The following IQSEC1 variants were observed in gnomAD, a reference collection of about 807,000 sequenced individuals.
IQSEC1 encodes the protein IQ motif and Sec7 domain ArfGEF 1, also known as IQ motif and SEC7 domain-containing protein 1.
IQSEC1 carries 31 observed loss-of-function variants against 91.0 expected under a neutral mutation model. That is an observed-to-expected ratio of 0.34 (90% confidence interval 0.26 to 0.46). The LOEUF (loss-of-function observed/expected upper bound fraction) is 0.46. Among genes scored for constraint, IQSEC1 ranks in the 20% least tolerant of loss-of-function variants. The probability of loss-of-function intolerance (pLI) is 1.00; values close to 1 mark genes in which losing one functional copy is unlikely to be tolerated. For synonymous variants in IQSEC1, 699 were observed against 662.6 expected, an observed-to-expected ratio of 1.05 and a Z score of -0.84; for missense variants, 1,388 against 1,575.6, an observed-to-expected ratio of 0.88 and a Z score of 2.02.
chr3:13,075,833 G>T (rs528299038), upstream of IQSEC1, among the ~76,000 whole-genome samples: 1 of 152,182 alleles, frequency 6.6e-6, no homozygotes, highest in Non-Finnish European at 1.5e-5. Flanking sequence ...GTGGAGCTGG[G>T]ATTCCGACTC....
chr3:12,913,915 C>T (rs1695815283), intron 8 of IQSEC1, among the ~76,000 whole-genome samples: 1 of 152,144 alleles, frequency 6.6e-6, no homozygotes, highest in Non-Finnish European at 1.5e-5. Context: ...ATTTTGAGTC[C>T]CCACAAGTGC....
rs1012372984 is a variant in IQSEC1 at position 12,983,911 on chromosome 3, A to T, written c.24-42046T>A. On this transcript the variant is annotated intron_variant, in intron 1 of 13. Transcript: ENST00000613206. This position sits in a 1 kb window ranked among gnomAD's most constrained non-coding sequence, Gnocchi z 4.3. ...TCCCCAAATCCACATGCCTTTAAAA[A>T]TAAAGCACCTACCTTCAAGGGGGCA... is the stretch of plus-strand genomic sequence containing the variant. 5.3e-5 allele frequency among the ~76,000 whole-genome samples: 8 copies of T among 152,220 alleles called. No homozygotes were observed. Among genetic ancestry groups the T allele is most frequent in the Non-Finnish European group, 1.2e-4 (8 of 68,036 alleles).
Position 12,908,455 on chromosome 3 carries a change from C to T in IQSEC1, c.2649G>A (p.Ser883=), listed in dbSNP as rs760777591. 51 of 1,613,480 alleles carry T rather than the reference C, an allele frequency of 3.2e-5. No homozygotes were observed. Among genetic ancestry groups the T allele is most frequent in the East Asian group, 6.7e-5 (3 of 44,888 alleles). The change falls in exon 12 of 14, where the codon TCG becomes TCA. Residue 883 remains serine (S), a synonymous_variant. Transcript: ENST00000613206. The surrounding 1 kb of genome is among the most constrained non-coding windows in gnomAD (Gnocchi z 4.9). ...AGGCCCGGCTCAGTGTTCCGTTGCC[C>T]GACTCCTTTTTGAGGCTAGAGCACT... ...MSQCSSLKKE[S]GNGTLSRACL...
At chr3:13,184,162 A>G (rs946200102) in intron 1 of IQSEC1, among the ~76,000 whole-genome samples, 32 of 152,228 alleles carry the variant, frequency 2.1e-4, no homozygotes, top group Non-Finnish European at 5.9e-5. Flanking sequence ...AACTAATGTT[A>G]TGATGTCAAC....
At chr3:12,988,401 C>T (rs928168960) in intron 1 of IQSEC1, among the ~76,000 whole-genome samples, 1 of 151,628 alleles carries the variant, frequency 6.6e-6, no homozygotes, top group African/African-American at 2.4e-5. Flanking sequence ...GGCGACAGAG[C>T]GAGGCTCTAT....
At chr3:13,094,563 C>G (rs1013998057) in intron 2 of IQSEC1, among the ~76,000 whole-genome samples, 1 of 152,178 alleles carries the variant, frequency 6.6e-6, no homozygotes, top group Non-Finnish European at 1.5e-5. Flanking sequence ...CCTGACACCC[C>G]CCACCTGGTG....
intron 1 of IQSEC1, among the ~76,000 whole-genome samples, chr3:13,050,066 C>T (rs1007642670): frequency 1.5e-5 from 2 of 136,014 alleles, no homozygotes; most frequent in Non-Finnish European, 3.2e-5. Flanking sequence ...CCCCACCCCC[C>T]GCCCCAGAAA....
intron 1 of IQSEC1, among the ~76,000 whole-genome samples, chr3:13,041,930 A>G (rs1384802690): frequency 6.6e-6 from 1 of 152,152 alleles, no homozygotes; most frequent in Non-Finnish European, 1.5e-5. Context: ...CCAGCCCACG[A>G]GGTCGGAGCA....
chr3:13,116,844 CCA>C, intron 2 of IQSEC1, among the ~76,000 whole-genome samples: 1 of 152,144 alleles, frequency 6.6e-6, no homozygotes, highest in South Asian at 2.1e-4. Context: ...TCCCAATGGG[CCA>C]AAGACCTAAG....
rs543920349 is a variant in IQSEC1, at chr3:12,924,201, G to T, written c.1730+380C>A. Among the ~76,000 whole-genome samples the T allele has an allele frequency of 1.9e-4, 29 of 152,312 alleles. No homozygotes were observed. Among genetic ancestry groups the T allele is most frequent in the South Asian group, 4.1e-4 (2 of 4,830 alleles). On this transcript the variant is annotated intron_variant, in intron 4 of 13. Coordinates refer to ENST00000613206, the MANE Select transcript of IQSEC1 (RefSeq NM_001134382.3). The surrounding 1 kb of genome is among the most constrained non-coding windows in gnomAD (Gnocchi z 6.3). ...GGGGAAGAGGCCCTGACGTCCAGCT[G>T]CCTGCTCCTGCCAGCCCTGCCATGA... is the stretch of plus-strand genomic sequence containing the variant.
At chr3:13,195,442 C>T in intron 1 of IQSEC1, among the ~76,000 whole-genome samples, 1 of 152,148 alleles carries the variant, frequency 6.6e-6, no homozygotes, top group East Asian at 1.9e-4. Flanking sequence ...TCTTATAAAA[C>T]TAAACATGCA....
At chr3:13,110,177 C>T (rs979845606) in intron 2 of IQSEC1, among the ~76,000 whole-genome samples, 5 of 151,922 alleles carry the variant, frequency 3.3e-5, no homozygotes, top group Non-Finnish European at 7.4e-5. Flanking sequence ...CCACGGTACC[C>T]GGCTGGATTA....
At chr3:13,281,109 G>A (rs909608416) in intron 1 of IQSEC1, among the ~76,000 whole-genome samples, 9 of 152,252 alleles carry the variant, frequency 5.9e-5, no homozygotes, top group Admixed American at 2.6e-4. Context: ...GCTGACCAAC[G>A]TGTCACTGCT....
intron 1 of IQSEC1, among the ~76,000 whole-genome samples, chr3:13,236,907 C>G (rs1015998913): frequency 4.6e-5 from 7 of 152,002 alleles, no homozygotes; most frequent in Admixed American, 2.0e-4. Flanking sequence ...ATGCCCCCCT[C>G]CAGCCAGGTT....
upstream of IQSEC1, among the ~76,000 whole-genome samples, chr3:13,073,618 T>G (rs1192071399): frequency 6.6e-6 from 1 of 152,236 alleles, no homozygotes; most frequent in Non-Finnish European, 1.5e-5. Context: ...GGCCCCTTCC[T>G]GGCCCGCGCT....
intron 2 of IQSEC1, among the ~76,000 whole-genome samples, chr3:13,119,395 A>T (rs1314049556): frequency 6.6e-6 from 1 of 152,230 alleles, no homozygotes; most frequent in Non-Finnish European, 1.5e-5. Context: ...AGAAAGTTTG[A>T]TGATGAAGGA....
chr3:13,049,599 A>G (rs1408796899), intron 1 of IQSEC1, among the ~76,000 whole-genome samples: 1 of 151,996 alleles, frequency 6.6e-6, no homozygotes, highest in Admixed American at 6.5e-5. Context: ...CAAACTCCTA[A>G]TCGCCCTTCA....
At chr3:12,988,811 C>T (rs1354224475) in intron 1 of IQSEC1, among the ~76,000 whole-genome samples, 1 of 152,162 alleles carries the variant, frequency 6.6e-6, no homozygotes, top group Non-Finnish European at 1.5e-5. Context: ...CAGGTGACCA[C>T]ATTTAAAATA....
At position 12,920,512 on chromosome 3, in the gene IQSEC1, G is replaced by A; in HGVS notation, c.1938C>T (p.Ile646=). The part of the protein sequence containing the change: ...DTIFILAFAI[I]LLNTDMYSPN... ...GGCTGTACATGTCGGTGTTCAGCAGGATGATGGCGAAGGCCAGGATGAAAA... is the reference window on the plus strand; with the variant it reads ...GGCTGTACATGTCGGTGTTCAGCAGAATGATGGCGAAGGCCAGGATGAAAA... The change falls in exon 6 of 14, where the codon ATC becomes ATT. Residue 646 remains isoleucine, a synonymous_variant. Transcript: ENST00000613206. 1 of 1,614,244 alleles carries A rather than the reference G, an allele frequency of 6.2e-7. No homozygotes were observed. Among genetic ancestry groups the A allele is most frequent in the Non-Finnish European group, 8.5e-7 (1 of 1,180,042 alleles).
Sources: gnomAD v4.1 joint callset for allele counts (sites outside exome capture counted in the v4.1 genomes callset) on GRCh38, gnomAD v4.1.1 for gene constraint, Gnocchi (gnomAD v3.1) non-coding constraint, MANE v1.5 for transcripts, NCBI Gene and HGNC (gene_info 2026-07-23, HGNC 2026-07-21) for gene names.